Variants in PTPRG observed in about 807,000 individuals in gnomAD.
The protein encoded by PTPRG is receptor-type tyrosine-protein phosphatase gamma.
Under a neutral mutation model 165.3 loss-of-function variants are expected in PTPRG, and 102 were observed. The observed-to-expected ratio is 0.62, with a 90% confidence interval of 0.53 to 0.73. The LOEUF (loss-of-function observed/expected upper bound fraction) is 0.73, where lower values mean the gene tolerates loss of function less well. Among genes scored for constraint, PTPRG ranks in the 30% least tolerant of loss-of-function variants. PTPRG has a pLI of 0.00. For synonymous variants in PTPRG, 675 were observed against 669.5 expected (o/e 1.01, Z -0.13); for missense variants, 1,866 against 1,861.4 (o/e 1.00, Z -0.05).
chr3:61,738,540 G>A (rs2032851982), intron 1 of PTPRG, among the ~76,000 whole-genome samples: 1 of 150,714 alleles, frequency 6.6e-6, no homozygotes, highest in African/African-American at 2.4e-5. Context: ...AATAACTGCT[G>A]GATGAATCTG....
intron 5 of PTPRG, among the ~76,000 whole-genome samples, chr3:62,113,078 C>T (rs930132405): frequency 3.3e-5 from 5 of 152,166 alleles, no homozygotes; most frequent in African/African-American, 1.2e-4. Context: ...ATTTGGGAAA[C>T]CAGCTTCTTA....
intron 5 of PTPRG, among the ~76,000 whole-genome samples, chr3:62,128,412 A>G (rs536661370): frequency 3.0e-4 from 45 of 152,296 alleles, no homozygotes; most frequent in African/African-American, 8.7e-4. Flanking sequence ...CAAGTAAAAC[A>G]TAAATTTGGA....
chr3:62,182,433 T>C (rs952733215), intron 8 of PTPRG, among the ~76,000 whole-genome samples: 8 of 152,206 alleles, frequency 5.3e-5, no homozygotes, highest in African/African-American at 1.4e-4. Context: ...AAGTGGACTT[T>C]TTTGCTATCT....
chr3:62,148,270 A>C (rs983407422), intron 6 of PTPRG, among the ~76,000 whole-genome samples: 4 of 152,198 alleles, frequency 2.6e-5, no homozygotes, highest in Non-Finnish European at 4.4e-5. Context: ...GAAGCATTCC[A>C]GGCAGAGGGA....
At chr3:62,125,235 C>G (rs1259931924) in intron 5 of PTPRG, among the ~76,000 whole-genome samples, 1 of 152,146 alleles carries the variant, frequency 6.6e-6, no homozygotes, top group Non-Finnish European at 1.5e-5. Flanking sequence ...ATAATCTTAC[C>G]TACTCCTATG....
chr3:61,929,452 T>G (rs945024589), intron 2 of PTPRG, among the ~76,000 whole-genome samples: 6 of 152,230 alleles, frequency 3.9e-5, no homozygotes, highest in African/African-American at 1.4e-4. Flanking sequence ...GTTCCATTTC[T>G]CAACTGAAAC....
intron 2 of PTPRG, among the ~76,000 whole-genome samples, chr3:61,949,042 A>AG (rs2039833094): frequency 6.8e-6 from 1 of 146,720 alleles, no homozygotes; most frequent in South Asian, 2.3e-4. Flanking sequence ...AGACAAGCCA[A>AG]GAAAAAAAAA....
chr3:61,968,847 G>A (rs1274810981), intron 2 of PTPRG, among the ~76,000 whole-genome samples: 1 of 152,086 alleles, frequency 6.6e-6, no homozygotes, highest in Non-Finnish European at 1.5e-5. Context: ...TCTGTGCTAT[G>A]GCAGTTGGTC....
intron 10 of PTPRG, among the ~76,000 whole-genome samples, chr3:62,198,247 A>C (rs1376837847): frequency 6.6e-6 from 1 of 152,200 alleles, no homozygotes; most frequent in Non-Finnish European, 1.5e-5. Context: ...TCTGAACCTC[A>C]CTTTATGGCA....
intron 8 of PTPRG, among the ~76,000 whole-genome samples, chr3:62,180,708 C>T (rs1330725508): frequency 6.6e-6 from 1 of 152,146 alleles, no homozygotes; most frequent in Non-Finnish European, 1.5e-5. Flanking sequence ...TTGTCACCTC[C>T]CTTAGCGCTG....
At chr3:62,087,005 TA>T (rs1270035219) in intron 5 of PTPRG, among the ~76,000 whole-genome samples, 1 of 152,254 alleles carries the variant, frequency 6.6e-6, no homozygotes, top group African/African-American at 2.4e-5. Context: ...AAAATCTATT[TA>T]AATTAAATCA....
At chr3:61,887,141 TATATATATATATATATATATATA>T (rs2038065615) in intron 2 of PTPRG, among the ~76,000 whole-genome samples, 1 of 54,710 alleles carries the variant, frequency 1.8e-5, no homozygotes, top group African/African-American at 3.9e-5. Context: ...TATATATATA[TATATATATATATATATATATATA>T]TATATATTTT....
At chr3:61,997,631 G>T (rs762681784) in intron 3 of PTPRG, among the ~76,000 whole-genome samples, 14 of 152,164 alleles carry the variant, frequency 9.2e-5, no homozygotes, top group East Asian at 1.9e-4. Flanking sequence ...CCCACTAGCA[G>T]GTTTGCTTCT....
At chr3:61,651,134 CT>C (rs761871013) in intron 1 of PTPRG, among the ~76,000 whole-genome samples, 6,561 of 141,228 alleles carry the variant, frequency 0.046, 187 homozygotes, top group Middle Eastern at 0.089. Flanking sequence ...CACTCTTTCT[CT>C]TTTTTTTTTT....
intron 26 of PTPRG, among the ~76,000 whole-genome samples, chr3:62,279,660 A>G (rs1702360121): frequency 6.6e-6 from 1 of 152,102 alleles, no homozygotes; most frequent in Non-Finnish European, 1.5e-5. Flanking sequence ...CTTCTTTTGT[A>G]TAGACTAAAC....
intron 2 of PTPRG, among the ~76,000 whole-genome samples, chr3:61,777,536 G>C (rs2034423694): frequency 6.6e-6 from 1 of 152,178 alleles, no homozygotes; most frequent in Non-Finnish European, 1.5e-5. Context: ...GTACTGCAGA[G>C]AGATCAACAG....
chr3:61,573,015 T>C (rs1247660182), intron 1 of PTPRG, among the ~76,000 whole-genome samples: 1 of 152,236 alleles, frequency 6.6e-6, no homozygotes, highest in Non-Finnish European at 1.5e-5. Context: ...ATGACTTCTT[T>C]CCTGTCAATC....
At chr3:61,852,284 C>G (rs1416802176) in intron 2 of PTPRG, among the ~76,000 whole-genome samples, 1 of 152,096 alleles carries the variant, frequency 6.6e-6, no homozygotes, top group Non-Finnish European at 1.5e-5. Flanking sequence ...CTGACTTTCT[C>G]TTTTTATGGT....
At chr3:62,055,210 T>A (rs948125117) in intron 4 of PTPRG, among the ~76,000 whole-genome samples, 3 of 152,232 alleles carry the variant, frequency 2.0e-5, no homozygotes, top group Non-Finnish European at 4.4e-5. Context: ...AAAGCAGTAA[T>A]TAATATAGGA....
Sources: allele counts gnomAD v4.1 joint callset (sites outside exome capture counted in the v4.1 genomes callset), GRCh38; gene constraint gnomAD v4.1.1; transcripts MANE v1.5; gene names NCBI Gene and HGNC (gene_info 2026-07-23, HGNC 2026-07-21).